The following TCF7L2 variants were observed in gnomAD, a reference collection of about 807,000 sequenced individuals.
The protein encoded by TCF7L2 is transcription factor 7-like 2.
A neutral mutation model predicts 77.9 loss-of-function variants in TCF7L2; 23 were observed. The observed-to-expected ratio is 0.30, with a 90% CI of 0.21 to 0.42. The LOEUF (loss-of-function observed/expected upper bound fraction) is 0.42. Ranked by LOEUF, TCF7L2 falls within the 10% of genes least tolerant of loss-of-function variation. The pLI is 1.00. For missense variants in TCF7L2, 654 were observed against 793.1 expected (o/e 0.82, Z 2.11); for synonymous variants, 413 against 340.2 (o/e 1.21, Z -2.36).
At chr10:113,014,595 A>G (rs138926641) in intron 4 of TCF7L2, among the ~76,000 whole-genome samples, 14 of 151,920 alleles carry the variant, frequency 9.2e-5, no homozygotes, top group Admixed American at 7.2e-4. Context: ...GGAGTTCAAG[A>G]CCAACATGGC....
chr10:113,001,000 T>G (rs1393669572), intron 4 of TCF7L2, among the ~76,000 whole-genome samples: 1 of 152,186 alleles, frequency 6.6e-6, no homozygotes, highest in Non-Finnish European at 1.5e-5. Context: ...CATGATTAAC[T>G]GGGTATTTTT....
chr10:113,006,958 C>T (rs7896811), intron 4 of TCF7L2, among the ~76,000 whole-genome samples: 20,338 of 152,266 alleles, frequency 0.13, 1,460 homozygotes, highest in Non-Finnish European at 0.15. Flanking sequence ...TGCCCTTTTC[C>T]TTCCGTCCTT....
chr10:112,991,634 C>T (rs2042570881), intron 4 of TCF7L2, among the ~76,000 whole-genome samples: 1 of 152,174 alleles, frequency 6.6e-6, no homozygotes, highest in Non-Finnish European at 1.5e-5. Context: ...GGACAGCCAG[C>T]TCTCTTTAGA....
At chr10:112,974,232 A>AG (rs1395787500) in intron 4 of TCF7L2, among the ~76,000 whole-genome samples, 1 of 152,138 alleles carries the variant, frequency 6.6e-6, no homozygotes, top group African/African-American at 2.4e-5. Flanking sequence ...GTACGAGTTG[A>AG]GATATTTGTA....
chr10:113,044,120 G>A (rs2052994583), intron 5 of TCF7L2, among the ~76,000 whole-genome samples: 2 of 152,166 alleles, frequency 1.3e-5, no homozygotes, highest in Non-Finnish European at 2.9e-5. Context: ...GTTTTGTTGT[G>A]TAATGAGCAT....
At chr10:112,966,184 T>TTATATTTTTATATATATATATA (rs1554876897) in intron 4 of TCF7L2, among the ~76,000 whole-genome samples, 1 of 114,280 alleles carries the variant, frequency 8.8e-6, no homozygotes. Context: ...TAAAATATAT[T>TTATATTTTTATATATATATATA]TATATATATA....
rs1241953682 is a variant in TCF7L2, at chr10:113,097,673, AAC to A, written c.553-43509_553-43508del. 9.7e-4 allele frequency among the ~76,000 whole-genome samples: 117 copies of A among 120,076 alleles called. 3 individuals carry two copies. The highest frequency in any genetic ancestry group is 2.8e-3 in the African/African-American group (101 of 35,660). The allele number at this position is 120,076 out of a possible 152,430, so 78.8% of individuals were successfully genotyped here. On this transcript the variant is annotated intron_variant, in intron 5 of 13. Transcript: ENST00000627217. ...AAAAAAAAAAAAAAAAAAAAAAAAA[AAC>A]AACCATGAGAAAGATATATGGAGGT...
chr10:112,986,121 G>C (rs1342582250), intron 4 of TCF7L2, among the ~76,000 whole-genome samples: 1 of 152,014 alleles, frequency 6.6e-6, no homozygotes, highest in Non-Finnish European at 1.5e-5. Flanking sequence ...CTCTTTCTTG[G>C]TGGTTATGTG....
chr10:113,083,333 C>G lies in TCF7L2; in HGVS notation c.552+43207C>G, dbSNP rs550816575. Among the ~76,000 whole-genome samples the G allele has an allele frequency of 4.6e-5, 7 of 151,878 alleles. No homozygotes were observed. The South Asian group carries it at 8.4e-4, about 18-fold the overall frequency. On this transcript the variant is annotated intron_variant, in intron 5 of 13. Coordinates refer to ENST00000627217, the MANE Select transcript of TCF7L2 (RefSeq NM_001146274.2). Reference sequence around the variant, plus strand: ...CCATACTCACACCTTGCCACTCACACCTTGCCACTCACACATGCTCACATT... The same window carrying G: ...CCATACTCACACCTTGCCACTCACAGCTTGCCACTCACACATGCTCACATT...
intron 4 of TCF7L2, among the ~76,000 whole-genome samples, chr10:112,978,469 A>AT (rs546493150): frequency 0.013 from 1,818 of 141,446 alleles, 20 homozygotes; most frequent in South Asian, 0.031. Context: ...GAATTTTGTG[A>AT]TTTTTTTTTT....
chr10:113,146,220 T>A, intron 8 of TCF7L2, 123 bp downstream of exon 8: 1 of 900,486 alleles, frequency 1.1e-6, no homozygotes, highest in South Asian at 1.5e-5. Flanking sequence ...GTAAAGCCAA[T>A]GTGGCATTAG....
At position 112,951,234 on chromosome 10, in the gene TCF7L2, GAA is replaced by G; in HGVS notation, c.219_220del (p.Ser74PhefsTer22). The G allele has an allele frequency of 6.3e-7, 1 of 1,576,308 alleles. No individual in the cohort carries two copies. The highest frequency in any genetic ancestry group is 8.6e-7 in the Non-Finnish European group (1 of 1,164,536). On this transcript the variant is annotated frameshift_variant, in exon 2 of 14. Transcript: ENST00000627217. LOFTEE classifies it high-confidence loss of function. ...GGAAAGACGGCCTCCGCCTCGCTCC[GAA>G]AGTTTCCGAGACAAATCCCGGGAAA...
chr10:113,098,220 C>A (rs2061269453), intron 5 of TCF7L2, among the ~76,000 whole-genome samples: 1 of 151,998 alleles, frequency 6.6e-6, no homozygotes, highest in African/African-American at 2.4e-5. Flanking sequence ...ATGTTTGTTT[C>A]TTCTTGGACC....
At chr10:113,018,827 T>A (rs931541632) in intron 4 of TCF7L2, among the ~76,000 whole-genome samples, 3 of 152,178 alleles carry the variant, frequency 2.0e-5, no homozygotes, top group Non-Finnish European at 4.4e-5. Flanking sequence ...TGGGGTGGAC[T>A]GCCGGGATCT....
At chr10:112,964,722 TG>T in intron 4 of TCF7L2, 98 bp downstream of exon 4, 1 of 923,304 alleles carries the variant, frequency 1.1e-6, no homozygotes. Flanking sequence ...ATAATGATGA[TG>T]ATGATGATGA....
At chr10:113,053,929 GGA>G (rs2054897048) in intron 5 of TCF7L2, among the ~76,000 whole-genome samples, 1 of 152,206 alleles carries the variant, frequency 6.6e-6, no homozygotes, top group Non-Finnish European at 1.5e-5. Context: ...TTGAACCCAA[GGA>G]GTCTCACATC....
intron 5 of TCF7L2, among the ~76,000 whole-genome samples, chr10:113,070,329 A>G (rs2057836828): frequency 6.7e-6 from 1 of 149,188 alleles, no homozygotes; most frequent in South Asian, 2.1e-4. Flanking sequence ...GAGTGGTATA[A>G]GGTTCTTAGC....
chr10:113,059,797 A>G (rs140071595), intron 5 of TCF7L2, among the ~76,000 whole-genome samples: 142 of 152,286 alleles, frequency 9.3e-4, no homozygotes, highest in African/African-American at 3.1e-3. Flanking sequence ...AGAAAATCAC[A>G]TTTTTTATTT....
chr10:112,951,097 C>T (rs1431433636), intron 1 of TCF7L2, 110 bp from the exon 2 acceptor site: 2 of 1,310,172 alleles, frequency 1.5e-6, no homozygotes, highest in Non-Finnish European at 2.1e-6. Flanking sequence ...AACTTGTAAC[C>T]CTGTTTTTTT....
Sources: gnomAD v4.1 joint callset for allele counts (sites outside exome capture counted in the v4.1 genomes callset) on GRCh38, gnomAD v4.1.1 for gene constraint, MANE v1.5 for transcripts, NCBI Gene and HGNC (gene_info 2026-07-23, HGNC 2026-07-21) for gene names.